The following GNAQ variants were observed in gnomAD, a reference collection of about 807,000 sequenced individuals.
GNAQ encodes G protein subunit alpha q.
A neutral mutation model predicts 43.9 loss-of-function variants in GNAQ; 8 were observed. The ratio of observed to expected loss-of-function variants is 0.18; its 90% CI spans 0.11 to 0.33. The LOEUF (loss-of-function observed/expected upper bound fraction) is 0.33, where lower values mean the gene tolerates loss of function less well. Among genes scored for constraint, GNAQ ranks in the 10% least tolerant of loss-of-function variants. GNAQ has a pLI of 1.00. For synonymous variants in GNAQ, 155 were observed against 170.7 expected (o/e 0.91, Z 0.71); for missense variants, 158 against 450.8 (o/e 0.35, Z 5.88).
intron 1 of GNAQ, among the ~76,000 whole-genome samples, chr9:78,014,116 A>G (rs1442793787): frequency 6.6e-6 from 1 of 152,222 alleles, no homozygotes; most frequent in Non-Finnish European, 1.5e-5. Flanking sequence ...ATCAGTGTGG[A>G]AAGCACAACA....
chr9:77,852,983 C>T (rs1827694354), intron 2 of GNAQ, among the ~76,000 whole-genome samples: 1 of 152,130 alleles, frequency 6.6e-6, no homozygotes. Flanking sequence ...CAGCATAAAC[C>T]TTCAAGAACG....
At chr9:77,859,588 A>T (rs556943652) in intron 2 of GNAQ, among the ~76,000 whole-genome samples, 3 of 152,222 alleles carry the variant, frequency 2.0e-5, no homozygotes, top group African/African-American at 2.4e-5. Flanking sequence ...TTCAACTTAA[A>T]CACACCAACT....
intron 5 of GNAQ, among the ~76,000 whole-genome samples, chr9:77,762,297 T>G (rs1316154418): frequency 2.9e-5 from 3 of 101,758 alleles, no homozygotes; most frequent in Non-Finnish European, 4.1e-5. Flanking sequence ...GGGAGGGAGG[T>G]GGGGGGGTCA....
intron 6 of GNAQ, among the ~76,000 whole-genome samples, chr9:77,725,309 A>T (rs1213356013): frequency 1.3e-5 from 2 of 152,194 alleles, no homozygotes; most frequent in Non-Finnish European, 2.9e-5. Flanking sequence ...TCTTGAAGAG[A>T]AATACAGAAA....
At chr9:77,758,011 T>C (rs1825931607) in intron 5 of GNAQ, among the ~76,000 whole-genome samples, 1 of 152,210 alleles carries the variant, frequency 6.6e-6, no homozygotes, top group Non-Finnish European at 1.5e-5. Context: ...ATCCCAACTA[T>C]TAATATAATG....
rs577836668 is a variant in GNAQ, at chr9:77,925,513, T to G, written c.137-3168A>C. Among the ~76,000 whole-genome samples, 240 of 152,288 alleles carry G rather than the reference T, an allele frequency of 1.6e-3. 1 individual carries two copies. The highest frequency in any genetic ancestry group is 5.6e-3 in the African/African-American group (232 of 41,558). ...CAGTTTTTCTCCCTTTAAGCTAATT[T>G]TGAATTTCTGAATGTTATTTCAATT... On this transcript the variant is annotated intron_variant, in intron 1 of 6. Coordinates refer to ENST00000286548, the MANE Select transcript of GNAQ (RefSeq NM_002072.5).
intron 1 of GNAQ, among the ~76,000 whole-genome samples, chr9:77,987,992 A>G (rs1823463124): frequency 6.6e-6 from 1 of 152,236 alleles, no homozygotes; most frequent in South Asian, 2.1e-4. Context: ...CAAGGCTGAA[A>G]AGAGAGACGG....
intron 2 of GNAQ, among the ~76,000 whole-genome samples, chr9:77,897,763 T>A (rs897781189): frequency 3.3e-5 from 5 of 152,084 alleles, no homozygotes; most frequent in African/African-American, 1.2e-4. Context: ...AGCTGCTAAG[T>A]GCCAAGATGG....
At chr9:77,954,366 T>C (rs1273492636) in intron 1 of GNAQ, among the ~76,000 whole-genome samples, 2 of 152,224 alleles carry the variant, frequency 1.3e-5, no homozygotes, top group African/African-American at 4.8e-5. Context: ...GAAGGTGTGC[T>C]AATACGATGT....
chr9:77,922,527 TC>T (rs1293624982), intron 1 of GNAQ, among the ~76,000 whole-genome samples, 182 bp from the exon 2 acceptor site: 2 of 152,142 alleles, frequency 1.3e-5, no homozygotes, highest in Non-Finnish European at 2.9e-5. Context: ...AGAGTCTATT[TC>T]AAAGGCAGAT....
At chr9:77,783,891 AC>A (rs907534105) in intron 5 of GNAQ, among the ~76,000 whole-genome samples, 26 of 152,120 alleles carry the variant, frequency 1.7e-4, no homozygotes, top group African/African-American at 6.3e-4. Context: ...ACATAGCAAG[AC>A]CCTGTCTCTT....
chr9:77,725,733 C>A (rs865982486), intron 6 of GNAQ, among the ~76,000 whole-genome samples: 1 of 151,922 alleles, frequency 6.6e-6, no homozygotes, highest in African/African-American at 2.4e-5. Flanking sequence ...GTGCAGAGAT[C>A]AAAAAACAGC....
chr9:77,954,781 A>G (rs1423103771), intron 1 of GNAQ, among the ~76,000 whole-genome samples: 4 of 152,192 alleles, frequency 2.6e-5, no homozygotes, highest in African/African-American at 9.6e-5. Context: ...GCCTGGCAAA[A>G]GGGTCTCCTG....
chr9:77,727,434 G>A (rs2050778365), intron 6 of GNAQ, among the ~76,000 whole-genome samples: 1 of 152,196 alleles, frequency 6.6e-6, no homozygotes, highest in African/African-American at 2.4e-5. Flanking sequence ...AATGGGTTGG[G>A]TGTCTAGTTG....
At chr9:77,932,368 G>A (rs1829164211) in intron 1 of GNAQ, among the ~76,000 whole-genome samples, 1 of 152,196 alleles carries the variant, frequency 6.6e-6, no homozygotes, top group African/African-American at 2.4e-5. Flanking sequence ...ATGCAAGTGT[G>A]AGCAGATGAT....
At position 77,759,028 on chromosome 9, in the gene GNAQ, A is replaced by G. The variant is rs536693359; in HGVS notation, c.736-30361T>C. Among the ~76,000 whole-genome samples, 69 of 152,342 alleles carry G rather than the reference A, an allele frequency of 4.5e-4. 1 individual carries two copies. The highest frequency in any genetic ancestry group is 1.6e-3 in the African/African-American group (68 of 41,588). ...AGATAAGAATAAACAAATGAACTCA[A>G]TAGAGTATTCTTAGGATATTAAACA... On this transcript the variant is annotated intron_variant, in intron 5 of 6. Coordinates refer to ENST00000286548, the MANE Select transcript of GNAQ (RefSeq NM_002072.5).
intron 6 of GNAQ, among the ~76,000 whole-genome samples, chr9:77,725,579 TAAAAA>T (rs55766160): frequency 1.6e-4 from 9 of 57,160 alleles, no homozygotes; most frequent in South Asian, 7.6e-4. Flanking sequence ...AAGGTAACAG[TAAAAA>T]AAAAAAAAAA....
intron 1 of GNAQ, among the ~76,000 whole-genome samples, chr9:77,992,015 G>T (rs938628412): frequency 6.6e-6 from 1 of 152,154 alleles, no homozygotes; most frequent in Non-Finnish European, 1.5e-5. Flanking sequence ...TGCAAATTGT[G>T]CAGCTATAAG....
intron 1 of GNAQ, among the ~76,000 whole-genome samples, chr9:77,931,217 C>T (rs1196937706): frequency 6.7e-6 from 1 of 149,904 alleles, no homozygotes; most frequent in Non-Finnish European, 1.5e-5. Context: ...TCATTCTGTT[C>T]CCTCTTTTTC....
Sources: allele counts gnomAD v4.1 joint callset (sites outside exome capture counted in the v4.1 genomes callset), GRCh38; gene constraint gnomAD v4.1.1; transcripts MANE v1.5; gene names NCBI Gene and HGNC (gene_info 2026-07-23, HGNC 2026-07-21).